ZBTB20: variants seen among roughly 807,000 people sequenced by gnomAD.
ZBTB20 encodes zinc finger and BTB domain-containing protein 20.
ZBTB20 carries 9 observed loss-of-function variants against 56.9 expected under a neutral mutation model. That is an observed-to-expected ratio of 0.16 (90% CI 0.10 to 0.28). The LOEUF (loss-of-function observed/expected upper bound fraction) is 0.28. Ranked by LOEUF, ZBTB20 falls within the 10% of genes least tolerant of loss-of-function variation. ZBTB20 has a pLI of 1.00. For synonymous variants in ZBTB20, 417 were observed against 420.7 expected, an observed-to-expected ratio of 0.99 and a Z score of 0.11; for missense variants, 655 against 1,003.0, an observed-to-expected ratio of 0.65 and a Z score of 4.69.
At chr3:114,572,315 G>C (rs1464297163) in intron 6 of ZBTB20, among the ~76,000 whole-genome samples, 1 of 152,158 alleles carries the variant, frequency 6.6e-6, no homozygotes, top group African/African-American at 2.4e-5. Context: ...GATAGATTAT[G>C]GAATAACACA....
chr3:115,076,420 A>G (rs2108524740), intron 1 of ZBTB20, among the ~76,000 whole-genome samples: 1 of 152,324 alleles, frequency 6.6e-6, no homozygotes, highest in African/African-American at 2.4e-5. Context: ...ATGGTCAACT[A>G]ATTTTTTACA....
Position 114,380,906 on chromosome 3 carries a change from C to T in ZBTB20, c.-119G>A. 1 of 749,114 alleles carries T rather than the reference C, an allele frequency of 1.3e-6. No individual in the cohort carries two copies. The highest frequency in any genetic ancestry group is 1.9e-6 in the Non-Finnish European group (1 of 516,030). The allele number at this position is 749,114 out of a possible 1,614,324, so 46.4% of individuals were successfully genotyped here. A position where few individuals can be genotyped will look rare whatever the true frequency, so the allele number is the denominator to read the frequency against. ...CTAACTTGCTGTGTGGCCTTGGGCA[C>T]CTCACTTCACCTCTCTGGGCTTCAG... On this transcript the variant is annotated 5_prime_UTR_variant, in exon 9 of 12. It adds an upstream start codon to the 5' untranslated region. Transcript: ENST00000675478.
intron 7 of ZBTB20, among the ~76,000 whole-genome samples, chr3:114,437,766 A>AAACAGGTTT (rs1264604402): frequency 2.6e-5 from 4 of 152,138 alleles, no homozygotes; most frequent in African/African-American, 9.6e-5. Flanking sequence ...GGGTGCTTGA[A>AAACAGGTTT]AACAGGTTTA....
chr3:114,624,932 C>G (rs990221439), intron 6 of ZBTB20: 1 of 152,522 alleles, frequency 6.6e-6, no homozygotes, highest in Non-Finnish European at 1.5e-5. Flanking sequence ...TGGACTGTAC[C>G]GTAAGCAACA....
chr3:115,128,980 TCCCAGCTATTTGGGAGGCTGAGG>T (rs2084423135), intron 1 of ZBTB20, among the ~76,000 whole-genome samples: 1 of 151,942 alleles, frequency 6.6e-6, no homozygotes, highest in Non-Finnish European at 1.5e-5. Context: ...GCGCCTGTAG[TCCCAGCTATTTGGGAGGCTGAGG>T]CAGGAGAATG....
At chr3:115,128,887 C>A (rs906916533) in intron 1 of ZBTB20, among the ~76,000 whole-genome samples, 19 of 152,188 alleles carry the variant, frequency 1.2e-4, no homozygotes, top group African/African-American at 3.6e-4. Flanking sequence ...ATCACGAGGT[C>A]AGGAGATCGA....
intron 6 of ZBTB20, among the ~76,000 whole-genome samples, chr3:114,632,669 G>T (rs953431068): frequency 6.6e-6 from 1 of 152,098 alleles, no homozygotes; most frequent in African/African-American, 2.4e-5. Context: ...TTGCCACTTG[G>T]ATTCAAAGAG....
chr3:115,018,539 T>C (rs1295516286), intron 2 of ZBTB20, among the ~76,000 whole-genome samples: 1 of 151,430 alleles, frequency 6.6e-6, no homozygotes, highest in Non-Finnish European at 1.5e-5. Context: ...TCATTAACTA[T>C]GGCAATTAGC....
intron 5 of ZBTB20, among the ~76,000 whole-genome samples, chr3:114,694,000 G>A (rs1326797852): frequency 2.6e-5 from 4 of 151,946 alleles, no homozygotes; most frequent in African/African-American, 4.8e-5. Flanking sequence ...AAAACAAGCT[G>A]GTTTCTCTTT....
rs1223027454 is a variant in ZBTB20 at position 114,319,009 on chromosome 3, A to G, written c.*19996T>C. On this transcript the variant is annotated 3_prime_UTR_variant, in exon 12 of 12. Transcript: ENST00000675478. ...CTTACTCATCTGAAACAAAATAAACAGCAGTGGGTACAAACTTCTTCTTGT... is the reference window on the plus strand; with the variant it reads ...CTTACTCATCTGAAACAAAATAAACGGCAGTGGGTACAAACTTCTTCTTGT... The G allele has an allele frequency of 6.6e-6, 1 of 152,218 alleles. No homozygotes were observed. Among genetic ancestry groups the G allele is most frequent in the East Asian group, 1.9e-4 (1 of 5,200 alleles). The allele number at this position is 152,218 out of a possible 1,614,324, so 9.4% of individuals were successfully genotyped here. A position where few individuals can be genotyped will look rare whatever the true frequency, so the allele number is the denominator to read the frequency against.
chr3:114,968,703 C>A (rs1253065079), intron 3 of ZBTB20, among the ~76,000 whole-genome samples: 1 of 152,132 alleles, frequency 6.6e-6, no homozygotes, highest in African/African-American at 2.4e-5. Flanking sequence ...GAACTCTGGG[C>A]TATTGATAAA....
Position 114,350,783 on chromosome 3 carries a change from G to A in ZBTB20, c.1295C>T (p.Ser432Phe), listed in dbSNP as rs1232823671. The change falls in exon 11 of 12, where the codon TCT becomes TTT. Residue 432 changes from serine to phenylalanine, a missense_variant. This residue lies in a region of ZBTB20 where 156 missense variants were observed against 181.0 expected (regional missense o/e 0.86). Coordinates refer to ENST00000675478, the MANE Select transcript of ZBTB20 (RefSeq NM_001348800.3). The stretch of plus-strand genomic sequence containing the variant: ...CTCCACTTCATTGCTTCTCTCCGGA[G>A]AGGAAGCACCTGTTTCTAGCTGGTT... The part of the protein sequence containing the change: ...QTNQLETGAS[S>F]PERSNEVEMD... The A allele has an allele frequency of 1.9e-6, 3 of 1,614,098 alleles. No homozygotes were observed. Among genetic ancestry groups the A allele is most frequent in the Non-Finnish European group, 2.5e-6 (3 of 1,180,016 alleles).
chr3:114,655,830 A>C (rs1268643566), intron 6 of ZBTB20, among the ~76,000 whole-genome samples: 1 of 152,224 alleles, frequency 6.6e-6, no homozygotes, highest in African/African-American at 2.4e-5. Context: ...AGAAAATACT[A>C]TAATTTATGC....
chr3:115,032,999 A>G (rs2080763797), intron 2 of ZBTB20, among the ~76,000 whole-genome samples: 1 of 149,956 alleles, frequency 6.7e-6, no homozygotes, highest in South Asian at 2.1e-4. Context: ...CACAGCTAGC[A>G]GAAGGAAAGA....
chr3:114,482,790 C>A (rs1021880791), intron 7 of ZBTB20, among the ~76,000 whole-genome samples: 1 of 152,118 alleles, frequency 6.6e-6, no homozygotes, highest in African/African-American at 2.4e-5. Context: ...TTCAGCAGAC[C>A]TCTAACCTCT....
intron 3 of ZBTB20, chr3:114,931,396 AC>A: frequency 4.1e-6 from 1 of 242,304 alleles, no homozygotes; most frequent in Non-Finnish European, 8.2e-6. Flanking sequence ...TGGCAAAGAG[AC>A]AACAGCAGCC....
intron 4 of ZBTB20, among the ~76,000 whole-genome samples, chr3:114,829,711 C>A (rs2073742788): frequency 2.0e-5 from 3 of 151,796 alleles, no homozygotes; most frequent in Non-Finnish European, 4.4e-5. Context: ...ACAATTAGAA[C>A]ACTAAGACAA....
chr3:115,139,792 A>G (rs1413154641), intron 1 of ZBTB20, among the ~76,000 whole-genome samples: 2 of 152,206 alleles, frequency 1.3e-5, no homozygotes, highest in Non-Finnish European at 2.9e-5. Flanking sequence ...TGCAGAGTCA[A>G]GTTTACAAAT....
intron 7 of ZBTB20, among the ~76,000 whole-genome samples, chr3:114,431,418 G>A: frequency 6.6e-6 from 1 of 152,094 alleles, no homozygotes; most frequent in Non-Finnish European, 1.5e-5. Flanking sequence ...GATTATTCAA[G>A]AAATAATGTA....
Sources: allele counts gnomAD v4.1 joint callset (sites outside exome capture counted in the v4.1 genomes callset), GRCh38; gene constraint gnomAD v4.1.1; regional missense constraint gnomAD v4.1.1; transcripts MANE v1.5; gene names NCBI Gene and HGNC (gene_info 2026-07-23, HGNC 2026-07-21).